Variants in PPP3CC observed in about 807,000 individuals in gnomAD.
PPP3CC encodes protein phosphatase 3 catalytic subunit gamma, also known as serine/threonine-protein phosphatase 2B catalytic subunit gamma isoform.
PPP3CC carries 35 observed loss-of-function variants against 60.3 expected under a neutral mutation model. That is an observed-to-expected ratio of 0.58 (90% CI 0.44 to 0.77). PPP3CC has a LOEUF of 0.77. Among genes scored for constraint, PPP3CC ranks in the 30% least tolerant of loss-of-function variants. The pLI is 0.00. For synonymous variants in PPP3CC, 206 were observed against 224.3 expected, an observed-to-expected ratio of 0.92 and a Z score of 0.73; for missense variants, 570 against 628.9, an observed-to-expected ratio of 0.91 and a Z score of 1.00.
rs931986816 is a variant in PPP3CC, at chr8:22,441,318, G to C, written c.-92G>C. Reference sequence around the variant, plus strand: ...CCGGGCACGGCTGGCTGACGGCTCCGGGCAGCTAAGGCTGCCCGAGGAGAA... The same window carrying C: ...CCGGGCACGGCTGGCTGACGGCTCCCGGCAGCTAAGGCTGCCCGAGGAGAA... On this transcript the variant is annotated 5_prime_UTR_variant, in exon 1 of 14. Transcript: ENST00000240139. The C allele has an allele frequency of 2.4e-5, 31 of 1,302,808 alleles. No individual in the cohort carries two copies. The highest frequency in any genetic ancestry group is 1.5e-4 in the East Asian group (5 of 34,278). The allele number at this position is 1,302,808 out of a possible 1,614,324, so 80.7% of individuals were successfully genotyped here.
chr8:22,540,700 C>G lies in PPP3CC; in HGVS notation c.1437C>G (p.Pro479=), dbSNP rs750196918. The change falls in exon 14 of 14, where the codon CCC becomes CCG. Residue 479 remains proline, a synonymous_variant. Coordinates refer to ENST00000240139, the MANE Select transcript of PPP3CC (RefSeq NM_005605.5). ...ACCGAATTAATGAGCGAATGCCACC[C>G]CGAAAGGATAGCATACACGCTGGTG... ...GLDRINERMP[P]RKDSIHAGGP... The G allele has an allele frequency of 5.0e-6, 8 of 1,614,124 alleles. No individual in the cohort carries two copies. The highest frequency in any genetic ancestry group is 5.9e-6 in the Non-Finnish European group (7 of 1,180,008).
At chr8:22,525,075 C>T (rs1208542753) in intron 8 of PPP3CC, among the ~76,000 whole-genome samples, 1 of 152,046 alleles carries the variant, frequency 6.6e-6, no homozygotes, top group Non-Finnish European at 1.5e-5. Context: ...CCTTTGAGTC[C>T]AGTAGTTCGA....
At chr8:22,499,395 C>T (rs1463724225) in intron 4 of PPP3CC, among the ~76,000 whole-genome samples, 2 of 149,486 alleles carry the variant, frequency 1.3e-5, no homozygotes, top group South Asian at 4.2e-4. Flanking sequence ...GCCGAGATTG[C>T]GCCACTGCAG....
chr8:22,455,745 C>T (rs1045033270), intron 1 of PPP3CC, among the ~76,000 whole-genome samples: 4 of 148,866 alleles, frequency 2.7e-5, no homozygotes, highest in Non-Finnish European at 6.0e-5. Context: ...AGTTCTGTGA[C>T]TATTATTACT....
intron 1 of PPP3CC, among the ~76,000 whole-genome samples, chr8:22,450,643 A>T (rs1836984842): frequency 6.6e-6 from 1 of 152,144 alleles, no homozygotes; most frequent in Non-Finnish European, 1.5e-5. Flanking sequence ...GAACAATATC[A>T]AGGGTCATTC....
At chr8:22,502,020 C>T (rs1258887011) in intron 4 of PPP3CC, among the ~76,000 whole-genome samples, 3 of 152,090 alleles carry the variant, frequency 2.0e-5, no homozygotes, top group African/African-American at 7.2e-5. Flanking sequence ...GAGTGAGACC[C>T]TGTCCCTAAA....
At chr8:22,517,140 T>G (rs1398322749) in intron 6 of PPP3CC, among the ~76,000 whole-genome samples, 1 of 152,206 alleles carries the variant, frequency 6.6e-6, no homozygotes, top group Non-Finnish European at 1.5e-5. Flanking sequence ...ATAAAAAATT[T>G]GACTCACCCA....
intron 1 of PPP3CC, among the ~76,000 whole-genome samples, chr8:22,453,146 C>T (rs1837086451): frequency 6.6e-6 from 1 of 152,090 alleles, no homozygotes; most frequent in Admixed American, 6.6e-5. Context: ...TAGTGCCTAC[C>T]TCAGAATTTA....
intron 1 of PPP3CC, among the ~76,000 whole-genome samples, chr8:22,465,112 C>G (rs935034213): frequency 6.6e-6 from 1 of 151,876 alleles, no homozygotes; most frequent in Non-Finnish European, 1.5e-5. Flanking sequence ...CTTGTGACAC[C>G]ACATTCGGCT....
chr8:22,538,456 T>A (rs748680057), intron 12 of PPP3CC, among the ~76,000 whole-genome samples: 2 of 152,238 alleles, frequency 1.3e-5, no homozygotes, highest in Non-Finnish European at 2.9e-5. Context: ...GTTATCCATT[T>A]TTCACATTCC....
intron 3 of PPP3CC, among the ~76,000 whole-genome samples, chr8:22,497,680 C>G (rs945105297): frequency 6.6e-6 from 1 of 152,070 alleles, no homozygotes; most frequent in African/African-American, 2.4e-5. Flanking sequence ...ATATTCTTGC[C>G]TTGTTCCTGG....
rs201716073 is a variant in PPP3CC, at chr8:22,497,331, A to AT, written c.373-656dup. Among the ~76,000 whole-genome samples, 301 of 137,100 alleles carry AT rather than the reference A, an allele frequency of 2.2e-3. 1 individual carries two copies. Among genetic ancestry groups the AT allele is most frequent in the East Asian group, 0.017 (80 of 4,718 alleles). 89.9% of individuals were successfully genotyped at this position (137,100 alleles called of 152,430 possible). On this transcript the variant is annotated intron_variant, in intron 3 of 13. Transcript: ENST00000240139. ...GGTATGAGCCACTGCACCTGGCCCT[A>AT]TTTTTTTTTTTTTTAAAGATGGAGT...
intron 1 of PPP3CC, among the ~76,000 whole-genome samples, chr8:22,458,118 A>C (rs1395201139): frequency 3.3e-5 from 5 of 152,140 alleles, no homozygotes; most frequent in Non-Finnish European, 5.9e-5. Context: ...AACAAAAAAA[A>C]CACACAAAAA....
intron 1 of PPP3CC, among the ~76,000 whole-genome samples, chr8:22,455,831 T>C (rs1307012022): frequency 6.6e-6 from 1 of 152,140 alleles, no homozygotes; most frequent in Non-Finnish European, 1.5e-5. Flanking sequence ...CTTAGTTGGT[T>C]CTAGGAGGGC....
At position 22,441,329 on chromosome 8, in the gene PPP3CC, G is replaced by T. The variant is rs967212149; in HGVS notation, c.-81G>T. 7.0e-6 allele frequency: 10 copies of T among 1,431,384 alleles called. No individual in the cohort carries two copies. The highest frequency in any genetic ancestry group is 4.4e-4 in the Middle Eastern group (2 of 4,516). The allele number at this position is 1,431,384 out of a possible 1,614,324, so 88.7% of individuals were successfully genotyped here. On this transcript the variant is annotated 5_prime_UTR_variant, in exon 1 of 14. Transcript: ENST00000240139. ...TGGCTGACGGCTCCGGGCAGCTAAG[G>T]CTGCCCGAGGAGAAGGCGGCGGCCG...
rs540609332 is a variant in PPP3CC, at chr8:22,507,491, A to G, written c.485-3595A>G. 4.6e-5 allele frequency among the ~76,000 whole-genome samples: 7 copies of G among 152,346 alleles called. No individual in the cohort carries two copies. In the South Asian group the frequency reaches 1.4e-3, roughly 32 times the overall value. On this transcript the variant is annotated intron_variant, in intron 4 of 13. Transcript: ENST00000240139. The stretch of plus-strand genomic sequence containing the variant: ...AAAAATAATGATTAGGAGGAATATT[A>G]GAGGGTCATTAAGAGCATGAACAGG...
intron 3 of PPP3CC, among the ~76,000 whole-genome samples, chr8:22,485,603 G>C (rs1838201383): frequency 6.6e-6 from 1 of 152,172 alleles, no homozygotes; most frequent in East Asian, 1.9e-4. Context: ...TGGCTACCTT[G>C]TACTATAGTT....
intron 1 of PPP3CC, among the ~76,000 whole-genome samples, chr8:22,473,666 G>A (rs1837798614): frequency 1.3e-5 from 2 of 151,980 alleles, no homozygotes; most frequent in South Asian, 4.1e-4. Context: ...GTTTCACCAT[G>A]TTGGCCAGGC....
chr8:22,445,292 G>C (rs1368336480), intron 1 of PPP3CC, among the ~76,000 whole-genome samples: 1 of 151,884 alleles, frequency 6.6e-6, no homozygotes, highest in Non-Finnish European at 1.5e-5. Context: ...TCAATCTCTG[G>C]TACCTATACT....
Sources: gnomAD v4.1 joint callset for allele counts (sites outside exome capture counted in the v4.1 genomes callset) on GRCh38, gnomAD v4.1.1 for gene constraint, MANE v1.5 for transcripts, NCBI Gene and HGNC (gene_info 2026-07-23, HGNC 2026-07-21) for gene names.